MTCL2: variants seen among roughly 807,000 people sequenced by gnomAD.
MTCL2 encodes microtubule cross-linking factor 2.
At chr20:36,812,793 A>C in the MTCL2 span, 5 of 1,613,640 alleles carry the variant, frequency 3.1e-6, no homozygotes, top group Non-Finnish European at 4.2e-6. Flanking sequence ...CCAGTGCGGA[A>C]AGCCTCTCGG....
chr20:36,827,900 T>C, the MTCL2 span, among the ~76,000 whole-genome samples: 5 of 151,714 alleles, frequency 3.3e-5, no homozygotes, highest in Admixed American at 6.6e-5. Context: ...GCCATGGGGG[T>C]GGGCAGCTGA....
the MTCL2 span, chr20:36,793,263 C>A: frequency 6.4e-7 from 1 of 1,551,316 alleles, no homozygotes; most frequent in Non-Finnish European, 8.7e-7. This position sits in a 1 kb window ranked among gnomAD's most constrained non-coding sequence, Gnocchi z 6.8. Flanking sequence ...TTGGGAAGGA[C>A]CACGGCTCCA....
the MTCL2 span, among the ~76,000 whole-genome samples, chr20:36,845,671 G>A: frequency 6.6e-6 from 1 of 152,218 alleles, no homozygotes; most frequent in African/African-American, 2.4e-5. Context: ...GGCTAGGAGA[G>A]GTGCTGCTGG....
At chr20:36,844,948 T>C in the MTCL2 span, among the ~76,000 whole-genome samples, 1 of 149,312 alleles carries the variant, frequency 6.7e-6, no homozygotes, top group Non-Finnish European at 1.5e-5. Flanking sequence ...GAGATGGACA[T>C]TGCAGTGAGC....
the MTCL2 span, among the ~76,000 whole-genome samples, chr20:36,800,615 A>G: frequency 6.6e-6 from 1 of 152,230 alleles, no homozygotes; most frequent in African/African-American, 2.4e-5. Flanking sequence ...CTCATCTGAA[A>G]AAGGGGTTTC....
the MTCL2 span, chr20:36,810,164 T>C: frequency 2.0e-6 from 3 of 1,530,264 alleles, no homozygotes; most frequent in Admixed American, 1.9e-5. Flanking sequence ...AAGAAGTGGA[T>C]AGAAATTGTG....
chr20:36,861,748 A>G, the MTCL2 span, among the ~76,000 whole-genome samples: 2 of 152,218 alleles, frequency 1.3e-5, no homozygotes, highest in African/African-American at 4.8e-5. Context: ...CAACACGTGC[A>G]AGCTGGGCTG....
At chr20:36,792,552 G>A in the MTCL2 span, among the ~76,000 whole-genome samples, 1 of 151,582 alleles carries the variant, frequency 6.6e-6, no homozygotes, top group African/African-American at 2.4e-5. Flanking sequence ...CAGAGATGCT[G>A]ACAATTGGCT....
chr20:36,777,872 A>G, the MTCL2 span: 78 of 623,414 alleles, frequency 1.3e-4, no homozygotes, highest in Admixed American at 5.4e-4. Flanking sequence ...GTTTTTTGGC[A>G]CTGTCTACAA....
At chr20:36,791,743 C>T in the MTCL2 span, among the ~76,000 whole-genome samples, 3 of 152,278 alleles carry the variant, frequency 2.0e-5, no homozygotes. Flanking sequence ...CCACCCAGTC[C>T]TTGTGCAAAT....
chr20:36,831,797 A>T, the MTCL2 span, among the ~76,000 whole-genome samples: 1 of 152,206 alleles, frequency 6.6e-6, no homozygotes, highest in Non-Finnish European at 1.5e-5. Flanking sequence ...GGAAAACTAG[A>T]TTCAAGCCCA....
the MTCL2 span, chr20:36,815,204 G>A: frequency 6.2e-7 from 1 of 1,613,966 alleles, no homozygotes. The surrounding 1 kb of genome is among the most constrained non-coding windows in gnomAD (Gnocchi z 5.3). Flanking sequence ...GCAGTGATGA[G>A]AAGGACTCCT....
the MTCL2 span, among the ~76,000 whole-genome samples, chr20:36,833,121 T>C: frequency 2.0e-5 from 3 of 152,160 alleles, no homozygotes; most frequent in South Asian, 6.2e-4. Flanking sequence ...AGAACTAAGG[T>C]TTGAAATCGA....
chr20:36,839,875 T>C, the MTCL2 span, among the ~76,000 whole-genome samples: 2 of 152,180 alleles, frequency 1.3e-5, no homozygotes, highest in East Asian at 3.8e-4. This position sits in a 1 kb window ranked among gnomAD's most constrained non-coding sequence, Gnocchi z 5.1. Flanking sequence ...TTTTTTGTTG[T>C]TTTTGAGACG....
At chr20:36,793,372 C>T in the MTCL2 span, 8 of 1,551,660 alleles carry the variant, frequency 5.2e-6, no homozygotes, top group African/African-American at 9.6e-5. The surrounding 1 kb of genome is among the most constrained non-coding windows in gnomAD (Gnocchi z 6.8). Flanking sequence ...TGTTCAGGAT[C>T]CTGGCCACAC....
the MTCL2 span, chr20:36,778,483 A>T: frequency 6.6e-6 from 1 of 152,302 alleles, no homozygotes; most frequent in African/African-American, 2.4e-5. Flanking sequence ...GCAATACAAG[A>T]ACCACTGGCT....
chr20:36,811,408 C>T, the MTCL2 span, among the ~76,000 whole-genome samples: 2 of 152,034 alleles, frequency 1.3e-5, no homozygotes, highest in Non-Finnish European at 2.9e-5. Context: ...ACGGGAAGAT[C>T]ACTTGAGCCC....
chr20:36,788,422 C>T, the MTCL2 span, among the ~76,000 whole-genome samples: 7 of 151,920 alleles, frequency 4.6e-5, no homozygotes, highest in African/African-American at 1.2e-4. Flanking sequence ...GAGGCCAAGG[C>T]GGGTGGATCA....
the MTCL2 span, among the ~76,000 whole-genome samples, chr20:36,808,208 T>G: frequency 6.6e-6 from 1 of 151,548 alleles, no homozygotes; most frequent in Non-Finnish European, 1.5e-5. Flanking sequence ...ATACAAAAAT[T>G]AGCTGGGCAT....
Sources: allele counts gnomAD v4.1 joint callset (sites outside exome capture counted in the v4.1 genomes callset), GRCh38; gene constraint gnomAD v4.1.1; non-coding constraint Gnocchi (gnomAD v3.1); transcripts MANE v1.5; gene names NCBI Gene and HGNC (gene_info 2026-07-23, HGNC 2026-07-21).